The following DDAH1 variants were observed in gnomAD, a reference collection of about 807,000 sequenced individuals.
The protein encoded by DDAH1 is N(G),N(G)-dimethylarginine dimethylaminohydrolase 1.
DDAH1 carries 19 observed loss-of-function variants against 28.8 expected under a neutral mutation model. The ratio of observed to expected loss-of-function variants is 0.66; its 90% confidence interval spans 0.46 to 0.97. DDAH1 has a LOEUF of 0.97. Ranked by LOEUF, DDAH1 falls within the 50% of genes least tolerant of loss-of-function variation. The pLI is 0.00. For synonymous variants in DDAH1, 153 were observed against 154.4 expected (o/e 0.99, Z 0.07); for missense variants, 326 against 375.9 (o/e 0.87, Z 1.10).
intron 1 of DDAH1, among the ~76,000 whole-genome samples, chr1:85,456,892 T>C (rs1241615953): frequency 6.6e-6 from 1 of 151,932 alleles, no homozygotes; most frequent in African/African-American, 2.4e-5. Flanking sequence ...AGAATCTAAA[T>C]GGCAAACTCA....
intron 2 of DDAH1, among the ~76,000 whole-genome samples, chr1:85,352,188 C>CG (rs1649254654): frequency 6.6e-6 from 1 of 152,070 alleles, no homozygotes; most frequent in African/African-American, 2.4e-5. Flanking sequence ...TCTAGGCCTG[C>CG]GTGGGTTTCC....
chr1:85,537,469 GA>G (rs796994701), intron 1 of DDAH1, among the ~76,000 whole-genome samples: 58 of 125,850 alleles, frequency 4.6e-4, no homozygotes, highest in Non-Finnish European at 5.0e-4. Flanking sequence ...TGTGGAATCT[GA>G]AAAAAAAAAA....
chr1:85,473,360 A>G (rs1436308667), intron 2 of DDAH1, among the ~76,000 whole-genome samples: 2 of 152,106 alleles, frequency 1.3e-5, no homozygotes, highest in East Asian at 3.9e-4. Flanking sequence ...TTTGATATTC[A>G]ATATATATTT....
intron 1 of DDAH1, among the ~76,000 whole-genome samples, chr1:85,415,922 A>G (rs1413248030): frequency 6.6e-6 from 1 of 152,222 alleles, no homozygotes; most frequent in Non-Finnish European, 1.5e-5. Context: ...AAAAAATTAT[A>G]TGTCAGCTAC....
chr1:85,357,808 CAT>C (rs954444426), intron 2 of DDAH1, among the ~76,000 whole-genome samples: 1 of 152,212 alleles, frequency 6.6e-6, no homozygotes, highest in Non-Finnish European at 1.5e-5. Flanking sequence ...AGATTTTACA[CAT>C]GATTTTATAC....
At chr1:85,492,641 G>C (rs528225858) in intron 2 of DDAH1, among the ~76,000 whole-genome samples, 29 of 152,224 alleles carry the variant, frequency 1.9e-4, no homozygotes, top group African/African-American at 7.0e-4. Flanking sequence ...CTGATTTACA[G>C]ATCTGAATGG....
At chr1:85,434,967 C>T (rs1653867849) in intron 1 of DDAH1, among the ~76,000 whole-genome samples, 1 of 151,482 alleles carries the variant, frequency 6.6e-6, no homozygotes, top group Admixed American at 6.6e-5. Context: ...TAATGATTAC[C>T]CAGATTACAT....
At chr1:85,531,982 C>T (rs1393687807) in intron 1 of DDAH1, among the ~76,000 whole-genome samples, 1 of 152,132 alleles carries the variant, frequency 6.6e-6, no homozygotes, top group Non-Finnish European at 1.5e-5. Flanking sequence ...ACTTTCCAAG[C>T]CTATTTGACT....
At chr1:85,378,901 G>A (rs909913522) in intron 1 of DDAH1, among the ~76,000 whole-genome samples, 2 of 152,120 alleles carry the variant, frequency 1.3e-5, no homozygotes, top group South Asian at 2.1e-4. Flanking sequence ...GAGATAATGA[G>A]GCACAGCTAA....
chr1:85,489,910 A>G (rs1319420133), intron 2 of DDAH1, among the ~76,000 whole-genome samples: 2 of 152,196 alleles, frequency 1.3e-5, no homozygotes, highest in Admixed American at 6.6e-5. Flanking sequence ...TTTTGAAATG[A>G]TCACGGAGGG....
chr1:85,465,203 G>A, upstream of DDAH1: 1 of 1,127,588 alleles, frequency 8.9e-7, no homozygotes, highest in Non-Finnish European at 1.1e-6. Context: ...CTGCCCGCGC[G>A]ACTGAGCATG....
rs540480117 is a variant in DDAH1, at chr1:85,391,742, T to C, written c.304-32895A>G. Among the ~76,000 whole-genome samples, 5 of 152,370 alleles carry C rather than the reference T, an allele frequency of 3.3e-5. No homozygotes were observed. The South Asian group carries it at 1.0e-3, about 32-fold the overall frequency. On this transcript the variant is annotated intron_variant, in intron 1 of 5. Transcript: ENST00000284031. ...AACAACCTAGGCTGGCCTTTTGGCC[T>C]GCTCTGGGGCATTTCTTTAATAAAT...
chr1:85,487,636 A>G (rs551803890), intron 2 of DDAH1, among the ~76,000 whole-genome samples: 1 of 152,330 alleles, frequency 6.6e-6, no homozygotes, highest in Non-Finnish European at 1.5e-5. Context: ...CTGGTAGCAC[A>G]TTCACATAGT....
At chr1:85,357,264 C>A (rs1649537765) in intron 2 of DDAH1, among the ~76,000 whole-genome samples, 1 of 152,100 alleles carries the variant, frequency 6.6e-6, no homozygotes, top group Admixed American at 6.6e-5. Context: ...GTTCAATGGG[C>A]ATGCAAACCA....
chr1:85,474,079 C>T (rs1485834035), intron 2 of DDAH1, among the ~76,000 whole-genome samples: 2 of 152,196 alleles, frequency 1.3e-5, no homozygotes, highest in African/African-American at 4.8e-5. Context: ...GTTGCTTAAG[C>T]CAGTAATCTG....
intron 1 of DDAH1, among the ~76,000 whole-genome samples, chr1:85,363,005 G>A (rs528989976): frequency 6.6e-6 from 1 of 152,070 alleles, no homozygotes; most frequent in African/African-American, 2.4e-5. Flanking sequence ...CAAAAATAAA[G>A]CCTTATATAG....
At chr1:85,438,407 AG>A (rs1316133490) in intron 1 of DDAH1, among the ~76,000 whole-genome samples, 1 of 152,198 alleles carries the variant, frequency 6.6e-6, no homozygotes, top group African/African-American at 2.4e-5. Context: ...TTTCTATTTA[AG>A]GGTGAAATTT....
chr1:85,498,690 G>A (rs898991022), intron 1 of DDAH1, among the ~76,000 whole-genome samples: 1 of 152,128 alleles, frequency 6.6e-6, no homozygotes, highest in Non-Finnish European at 1.5e-5. Context: ...AGGCTGAGGT[G>A]GGCAGATCAC....
intron 1 of DDAH1, among the ~76,000 whole-genome samples, chr1:85,402,177 T>TC (rs1272421516): frequency 7.5e-6 from 1 of 133,152 alleles, no homozygotes; most frequent in Non-Finnish European, 1.6e-5. Flanking sequence ...TTTTTTTTTT[T>TC]TTTTGGTACA....
Sources: allele counts gnomAD v4.1 joint callset (sites outside exome capture counted in the v4.1 genomes callset), GRCh38; gene constraint gnomAD v4.1.1; transcripts MANE v1.5; gene names NCBI Gene and HGNC (gene_info 2026-07-23, HGNC 2026-07-21).